Variants in LTBR observed in about 807,000 individuals in gnomAD.
The protein encoded by LTBR is tumor necrosis factor receptor superfamily member 3.
A neutral mutation model predicts 45.4 loss-of-function variants in LTBR; 15 were observed. That is an observed-to-expected ratio of 0.33 (90% CI 0.22 to 0.51). The LOEUF (loss-of-function observed/expected upper bound fraction) is 0.51. Among genes scored for constraint, LTBR ranks in the 20% least tolerant of loss-of-function variants. LTBR has a pLI of 0.97. For missense variants in LTBR, 450 were observed against 565.5 expected, an observed-to-expected ratio of 0.80 and a Z score of 2.07; for synonymous variants, 228 against 231.0, an observed-to-expected ratio of 0.99 and a Z score of 0.12.
rs768280438 is a variant in LTBR, at chr12:6,386,422, G to A, written c.645G>A (p.Glu215=). ...QSDTTCKNPL[E]PLPPEMSGTM... ...ACACAACCTGCAAAAATCCATTAGA[G>A]CCACTGCCCCCAGAGATGTCAGGTG... Residue 215 remains glutamate (E), a synonymous_variant, in exon 6 of 10, where the codon GAG becomes GAA. Coordinates refer to ENST00000228918, the MANE Select transcript of LTBR (RefSeq NM_002342.3). The surrounding 1 kb of genome is among the most constrained non-coding windows in gnomAD (Gnocchi z 4.1). 5 of 1,610,942 alleles carry A rather than the reference G, an allele frequency of 3.1e-6. No individual in the cohort carries two copies. Among genetic ancestry groups the A allele is most frequent in the Middle Eastern group, 3.3e-4 (2 of 5,976 alleles).
chr12:6,375,551 C>T, exon 1 of LTBR: 1 of 1,534,924 alleles, frequency 6.5e-7, no homozygotes, highest in African/African-American at 1.4e-5. Flanking sequence ...GCTGGCCGGC[C>T]AGGGATGGAA....
chr12:6,381,649 G>A (rs987714509), upstream of LTBR, among the ~76,000 whole-genome samples: 1 of 152,244 alleles, frequency 6.6e-6, no homozygotes, highest in African/African-American at 2.4e-5. Context: ...GCTTTGACTG[G>A]GAAGGGCATG....
rs1350227623 is a variant in LTBR, at chr12:6,384,628, A to G, written c.137A>G (p.Gln46Arg). Reference protein sequence around the residue: ...YASENQTCRDQEKEYYEPQHR... With the variant: ...YASENQTCRDREKEYYEPQHR... Reference sequence around the variant, plus strand: ...TCGGAGAACCAGACCTGCAGGGACCAGGAAAAGGAATACTATGAGCCCCAG... The same window carrying G: ...TCGGAGAACCAGACCTGCAGGGACCGGGAAAAGGAATACTATGAGCCCCAG... Residue 46 changes from glutamine to arginine, a missense_variant, in exon 2 of 10, where the codon CAG becomes CGG. Gln to Arg is a conservative substitution (Grantham distance 43, BLOSUM62 1). Coordinates refer to ENST00000228918, the MANE Select transcript of LTBR (RefSeq NM_002342.3). 7 of 1,614,234 alleles carry G rather than the reference A, an allele frequency of 4.3e-6. No individual in the cohort carries two copies. In the South Asian group the frequency reaches 7.7e-5, roughly 18 times the overall value.
chr12:6,377,259 C>T, intron 1 of LTBR: 1 of 1,551,048 alleles, frequency 6.4e-7, no homozygotes, highest in Non-Finnish European at 8.7e-7. Flanking sequence ...TACCTTGATA[C>T]TGCTCATGAT....
intron 1 of LTBR, among the ~76,000 whole-genome samples, chr12:6,377,995 T>A (rs4285931): frequency 6.6e-6 from 1 of 152,144 alleles, no homozygotes; most frequent in Non-Finnish European, 1.5e-5. Context: ...ATCTGAGACC[T>A]GGACTTTGGT....
chr12:6,377,530 G>C, intron 1 of LTBR: 2 of 744,768 alleles, frequency 2.7e-6, no homozygotes, highest in Non-Finnish European at 4.4e-6. Context: ...CTCCCACACA[G>C]AGCCCGTGGA....
At chr12:6,377,915 G>A (rs897431296) in intron 1 of LTBR, among the ~76,000 whole-genome samples, 6 of 152,250 alleles carry the variant, frequency 3.9e-5, no homozygotes, top group South Asian at 2.1e-4. Flanking sequence ...GTGGCAATGC[G>A]AGCCTAGTGC....
intron 8 of LTBR, 94 bp from the exon 9 acceptor site, chr12:6,390,018 G>A (rs555584962): frequency 1.3e-6 from 1 of 788,558 alleles, no homozygotes; most frequent in Non-Finnish European, 2.2e-6. Context: ...AGGAAAGAAA[G>A]AAAGAGAAAG....
intron 1 of LTBR, chr12:6,377,339 A>G: frequency 7.4e-7 from 1 of 1,360,084 alleles, no homozygotes; most frequent in Non-Finnish European, 1.0e-6. Context: ...CTTCCCAAGG[A>G]TAAATCAGTT....
Position 6,390,286 on chromosome 12 carries a change from G to A in LTBR, c.976G>A (p.Asp326Asn). ...GGTGCCGCAACAGCAGAGTCCTCTG[G>A]ACCTGACCAGGGAGCCGCAGTTGGA... ...AGVPQQQSPLDLTREPQLEPG... is the reference protein window; with the variant it reads ...AGVPQQQSPLNLTREPQLEPG... The change falls in exon 9 of 10, where the codon GAC becomes AAC. Residue 326 changes from aspartate (D) to asparagine (N), a missense_variant. Asp to Asn is a conservative substitution (Grantham distance 23, BLOSUM62 1). This residue lies in a region of LTBR where 367 missense variants were observed against 435.4 expected (regional missense o/e 0.84). Transcript: ENST00000228918. 2 of 1,613,770 alleles carry A rather than the reference G, an allele frequency of 1.2e-6. No homozygotes were observed. The highest frequency in any genetic ancestry group is 1.7e-6 in the Non-Finnish European group (2 of 1,179,814).
At chr12:6,389,888 A>T (rs1408810459) in intron 8 of LTBR, 1 of 537,782 alleles carries the variant, frequency 1.9e-6, no homozygotes, top group East Asian at 2.9e-5. Flanking sequence ...CCAAGAGTTC[A>T]TGAGCCTGCA....
At chr12:6,377,205 T>C in intron 1 of LTBR, 1 of 1,520,256 alleles carries the variant, frequency 6.6e-7, no homozygotes, top group Non-Finnish European at 8.9e-7. Flanking sequence ...CTTCTTAAAG[T>C]GAAAGCCGGT....
chr12:6,385,089 C>G lies in LTBR; in HGVS notation c.261C>G (p.Ser87=), dbSNP rs1350214190. ...DTVCATCAEN[S]YNEHWNYLTI... is the part of the protein sequence containing the mutation. ...TTTGTGCCACATGTGCCGAGAATTCCTACAACGAGCACTGGAACTACCTGA... is the reference window on the plus strand; with the variant it reads ...TTTGTGCCACATGTGCCGAGAATTCGTACAACGAGCACTGGAACTACCTGA... Residue 87 remains serine, a synonymous_variant, in exon 3 of 10, where the codon TCC becomes TCG. Coordinates refer to ENST00000228918, the MANE Select transcript of LTBR (RefSeq NM_002342.3). 5.6e-6 allele frequency: 9 copies of G among 1,614,096 alleles called. No homozygotes were observed. In the Admixed American group the frequency reaches 1.5e-4, roughly 27 times the overall value.
chr12:6,385,796 T>G, intron 4 of LTBR: 1 of 367,102 alleles, frequency 2.7e-6, no homozygotes, highest in Non-Finnish European at 4.9e-6. Flanking sequence ...TCCCAGCTAC[T>G]CGGGAGGCTG....
At chr12:6,378,053 C>A (rs748467497) in intron 1 of LTBR, among the ~76,000 whole-genome samples, 1 of 152,170 alleles carries the variant, frequency 6.6e-6, no homozygotes, top group Non-Finnish European at 1.5e-5. Context: ...AAATAATACA[C>A]AAATATGTTT....
At chr12:6,390,431 A>G in intron 9 of LTBR, 91 bp downstream of exon 9, 1 of 1,202,632 alleles carries the variant, frequency 8.3e-7, no homozygotes. Context: ...TAAAAAGACC[A>G]AAACAGAGGC....
intron 1 of LTBR, among the ~76,000 whole-genome samples, chr12:6,376,456 C>T (rs1324348342): frequency 2.0e-5 from 3 of 152,190 alleles, no homozygotes; most frequent in African/African-American, 4.8e-5. Context: ...GACACAGACC[C>T]GGAGCCCAGG....
rs1592101420 is a variant in LTBR, at chr12:6,388,679, G to A, written c.776-121G>A. 8.0e-7 allele frequency: 1 copy of A among 1,254,654 alleles called. No individual in the cohort carries two copies. The highest frequency in any genetic ancestry group is 1.2e-6 in the Non-Finnish European group (1 of 862,238). The allele number at this position is 1,254,654 out of a possible 1,614,324, so 77.7% of individuals were successfully genotyped here. Reference sequence around the variant, plus strand: ...TGAGGCTGGAGATGAGAGTGACAGTGGCTTGTTCCTCTGGGCCCCCGGGTG... The same window carrying A: ...TGAGGCTGGAGATGAGAGTGACAGTAGCTTGTTCCTCTGGGCCCCCGGGTG... On this transcript the variant is annotated intron_variant, in intron 7 of 9. Transcript: ENST00000228918. The surrounding 1 kb of genome is among the most constrained non-coding windows in gnomAD (Gnocchi z 4.3).
chr12:6,385,290 C>T lies in LTBR; in HGVS notation c.383C>T (p.Pro128Leu), dbSNP rs765889378. 3.1e-6 allele frequency: 5 copies of T among 1,613,984 alleles called. No homozygotes were observed. In the South Asian group the frequency reaches 4.4e-5, roughly 14 times the overall value. The change falls in exon 4 of 10, where the codon CCG becomes CTG. Residue 128 changes from proline (P) to leucine (L), a missense_variant. By Grantham distance (98) the Pro-to-Leu change is moderately conservative. Coordinates refer to ENST00000228918, the MANE Select transcript of LTBR (RefSeq NM_002342.3). ...CGGAAGACCCAGTGCCGCTGCCAGC[C>T]GGGAATGTTCTGTGCTGCCTGGGCC... ...SKRKTQCRCQPGMFCAAWALE... is the reference protein window; with the variant it reads ...SKRKTQCRCQLGMFCAAWALE...
Sources: allele counts gnomAD v4.1 joint callset (sites outside exome capture counted in the v4.1 genomes callset), GRCh38; gene constraint gnomAD v4.1.1; regional missense constraint gnomAD v4.1.1; non-coding constraint Gnocchi (gnomAD v3.1); transcripts MANE v1.5; gene names NCBI Gene and HGNC (gene_info 2026-07-23, HGNC 2026-07-21).